SLCO1B3: variants seen among roughly 807,000 people sequenced by gnomAD.
The protein encoded by SLCO1B3 is liver-specific organic anion transporter 2.
In SLCO1B3, 72 loss-of-function variants were observed where a neutral mutation model predicts 71.8. The ratio of observed to expected loss-of-function variants is 1.00; its 90% CI spans 0.83 to 1.22. The LOEUF (loss-of-function observed/expected upper bound fraction) is 1.22. Among genes scored for constraint, SLCO1B3 ranks in the 50% most tolerant of loss-of-function variants. The pLI is 0.00. For missense variants in SLCO1B3, 911 were observed against 819.7 expected, an observed-to-expected ratio of 1.11 and a Z score of -1.36; for synonymous variants, 298 against 278.4, an observed-to-expected ratio of 1.07 and a Z score of -0.70.
chr12:20,817,455 T>A (rs1443575960), intron 3 of SLCO1B3, among the ~76,000 whole-genome samples: 1 of 152,208 alleles, frequency 6.6e-6, no homozygotes, highest in African/African-American at 2.4e-5. Context: ...CCCCATTGAA[T>A]GTTCCTGGCA....
chr12:20,891,831 G>C (rs1188537182), intron 13 of SLCO1B3, among the ~76,000 whole-genome samples: 1 of 152,050 alleles, frequency 6.6e-6, no homozygotes, highest in Non-Finnish European at 1.5e-5. Flanking sequence ...GCTTTCAGAA[G>C]TATTTTGCAG....
At chr12:20,903,129 A>G (rs2120396145) in intron 15 of SLCO1B3, among the ~76,000 whole-genome samples, 1 of 152,128 alleles carries the variant, frequency 6.6e-6, no homozygotes, top group African/African-American at 2.4e-5. Context: ...GGGAAACAAC[A>G]GGAATTTCCT....
At chr12:20,915,091 C>A (rs1866465843) in intron 15 of SLCO1B3, among the ~76,000 whole-genome samples, 1 of 151,914 alleles carries the variant, frequency 6.6e-6, no homozygotes, top group Admixed American at 6.6e-5. Context: ...TATTTGAAAT[C>A]TTTATTTTGT....
chr12:20,847,555 T>A (rs535813196), intron 3 of SLCO1B3, among the ~76,000 whole-genome samples: 37 of 151,986 alleles, frequency 2.4e-4, no homozygotes, highest in African/African-American at 8.9e-4. Flanking sequence ...TACATGTTTA[T>A]TTCTCAACCC....
At chr12:20,885,683 A>G (rs1865781084) in intron 13 of SLCO1B3, among the ~76,000 whole-genome samples, 1 of 151,988 alleles carries the variant, frequency 6.6e-6, no homozygotes, top group Non-Finnish European at 1.5e-5. Flanking sequence ...AAGGTAGAGC[A>G]AAGACAAAGG....
intron 3 of SLCO1B3, among the ~76,000 whole-genome samples, chr12:20,840,739 A>G (rs1864780027): frequency 6.6e-6 from 1 of 152,140 alleles, no homozygotes; most frequent in Non-Finnish European, 1.5e-5. Context: ...TCTCTGTAAT[A>G]TGGTAGGCTA....
chr12:20,869,437 C>T, intron 8 of SLCO1B3, among the ~76,000 whole-genome samples: 1 of 152,116 alleles, frequency 6.6e-6, no homozygotes, highest in African/African-American at 2.4e-5. Context: ...GTAATTGCTA[C>T]AAACTAATGA....
intron 9 of SLCO1B3, among the ~76,000 whole-genome samples, chr12:20,876,220 C>T (rs78274983): frequency 3.9e-5 from 6 of 152,096 alleles, no homozygotes; most frequent in Non-Finnish European, 7.4e-5. Context: ...AGTGGTGCCT[C>T]TGTCCAATAT....
intron 15 of SLCO1B3, among the ~76,000 whole-genome samples, chr12:20,912,557 G>T (rs545302754): frequency 7.3e-6 from 1 of 136,752 alleles, no homozygotes; most frequent in Non-Finnish European, 1.5e-5. Context: ...GAGTTTCACT[G>T]CTGTCGCCCA....
In SLCO1B3 at chr12:20,916,844, G is replaced by A. The variant is rs932928383; in HGVS notation, c.*597G>A. The stretch of plus-strand genomic sequence containing the variant: ...ATTGTGAGACAACTTATTATAATAC[G>A]TGTTAAGTTTCTACTGGACCCATGG... On this transcript the variant is annotated 3_prime_UTR_variant, in exon 16 of 16. Transcript: ENST00000381545. 4 of 152,062 alleles carry A rather than the reference G, an allele frequency of 2.6e-5. No homozygotes were observed. Among genetic ancestry groups the A allele is most frequent in the South Asian group, 2.1e-4 (1 of 4,828 alleles). 9.4% of individuals were successfully genotyped at this position (152,062 alleles called of 1,614,324 possible).
Position 20,848,148 on chromosome 12 carries a change from A to G in SLCO1B3, c.85-6880A>G, listed in dbSNP as rs911491744. On this transcript the variant is annotated intron_variant, in intron 3 of 15. Coordinates refer to ENST00000381545, the MANE Select transcript of SLCO1B3 (RefSeq NM_019844.4). ...AAGAACACTAAAACTCAATGATAAG[A>G]AAACAGCCAATTATAAAATGGGAAA... 2.0e-5 allele frequency among the ~76,000 whole-genome samples: 3 copies of G among 152,274 alleles called. No homozygotes were observed. In the East Asian group the frequency reaches 5.8e-4, roughly 29 times the overall value.
At chr12:20,873,068 C>A (rs1865506575) in intron 8 of SLCO1B3, among the ~76,000 whole-genome samples, 1 of 152,114 alleles carries the variant, frequency 6.6e-6, no homozygotes, top group African/African-American at 2.4e-5. Flanking sequence ...GGCATGCTGT[C>A]CAACCCTTTC....
chr12:20,842,153 C>A (rs2121175780), intron 3 of SLCO1B3, among the ~76,000 whole-genome samples: 1 of 152,244 alleles, frequency 6.6e-6, no homozygotes, highest in East Asian at 1.9e-4. Context: ...CTTGGCCTCA[C>A]AAAGTGCTGG....
At chr12:20,818,335 T>G (rs78517484) in intron 3 of SLCO1B3, among the ~76,000 whole-genome samples, 1 of 152,210 alleles carries the variant, frequency 6.6e-6, no homozygotes. Context: ...TAATAAGGGC[T>G]GGTCTTTTAT....
intron 3 of SLCO1B3, among the ~76,000 whole-genome samples, chr12:20,820,538 G>C (rs1203780042): frequency 1.3e-5 from 2 of 152,172 alleles, no homozygotes; most frequent in Non-Finnish European, 2.9e-5. Flanking sequence ...GTTCTTGTGT[G>C]CTGGAGATGT....
chr12:20,878,109 G>C (rs1865619304), intron 10 of SLCO1B3, among the ~76,000 whole-genome samples, 173 bp downstream of exon 10: 1 of 152,014 alleles, frequency 6.6e-6, no homozygotes, highest in African/African-American at 2.4e-5. Context: ...TTCTGCATTT[G>C]AAGTTGCATC....
intron 11 of SLCO1B3, 33 bp from the exon 12 acceptor site, chr12:20,880,821 CT>C (rs765345665): frequency 5.5e-6 from 8 of 1,467,260 alleles, no homozygotes; most frequent in Non-Finnish European, 5.6e-6. Flanking sequence ...TCCTCTTTCT[CT>C]TTTTTTGATA....
Position 20,826,375 on chromosome 12 carries a change from T to C in SLCO1B3, c.84+10553T>C, listed in dbSNP as rs540250121. ...TGAAAGCAGTGGGACACAATAAAAG[T>C]TGAACTTTTGGGTTAAAAAATTAAA... On this transcript the variant is annotated intron_variant, in intron 3 of 15. Coordinates refer to ENST00000381545, the MANE Select transcript of SLCO1B3 (RefSeq NM_019844.4). Among the ~76,000 whole-genome samples, 25 of 152,226 alleles carry C rather than the reference T, an allele frequency of 1.6e-4. 1 individual carries two copies. The East Asian group carries it at 2.5e-3, about 15-fold the overall frequency.
At chr12:20,841,149 C>A (rs1344948192) in intron 3 of SLCO1B3, among the ~76,000 whole-genome samples, 3 of 152,034 alleles carry the variant, frequency 2.0e-5, no homozygotes, top group Non-Finnish European at 4.4e-5. Context: ...CTCCAGGAAG[C>A]TGTTACTCCT....
Sources: gnomAD v4.1 joint callset for allele counts (sites outside exome capture counted in the v4.1 genomes callset) on GRCh38, gnomAD v4.1.1 for gene constraint, MANE v1.5 for transcripts, NCBI Gene and HGNC (gene_info 2026-07-23, HGNC 2026-07-21) for gene names.